GGACT: variants seen among roughly 807,000 people sequenced by gnomAD.
GGACT encodes gamma-glutamylaminecyclotransferase.
For missense variants in GGACT, 241 were observed against 233.2 expected, an observed-to-expected ratio of 1.03 and a Z score of -0.22; for synonymous variants, 118 against 115.3, an observed-to-expected ratio of 1.02 and a Z score of -0.15.
chr13:100,583,497 T>C (rs1461223113), intron 2 of GGACT, among the ~76,000 whole-genome samples: 1 of 152,136 alleles, frequency 6.6e-6, no homozygotes, highest in Non-Finnish European at 1.5e-5. Flanking sequence ...ATACACTTTC[T>C]CTACTATTCT....
intron 2 of GGACT, among the ~76,000 whole-genome samples, chr13:100,563,665 A>G (rs1347316740): frequency 1.3e-5 from 2 of 152,182 alleles, no homozygotes; most frequent in African/African-American, 4.8e-5. Flanking sequence ...TTAATTAATT[A>G]AACTAAACTT....
chr13:100,539,653 T>G, intron 2 of GGACT: 1 of 514,428 alleles, frequency 1.9e-6, no homozygotes, highest in Non-Finnish European at 3.4e-6. Context: ...AGAATATTAG[T>G]CTGTAGTTTT....
chr13:100,585,082 G>A (rs1336648952), intron 1 of GGACT, among the ~76,000 whole-genome samples: 3 of 152,298 alleles, frequency 2.0e-5, no homozygotes, highest in East Asian at 3.9e-4. Context: ...CTAGTTTACA[G>A]GAAATATAGG....
At chr13:100,546,098 C>T (rs1252728622) in intron 2 of GGACT, among the ~76,000 whole-genome samples, 14 of 152,278 alleles carry the variant, frequency 9.2e-5, no homozygotes, top group African/African-American at 2.9e-4. Flanking sequence ...CAGTGGCTCA[C>T]GCCTGTAATG....
rs2088600018 is a variant in GGACT at position 100,545,990 on chromosome 13, T to C, written c.-10-13389A>G. 6.6e-6 allele frequency among the ~76,000 whole-genome samples: 1 copy of C among 152,074 alleles called. No individual in the cohort carries two copies. The highest frequency in any genetic ancestry group is 6.5e-5 in the Admixed American group (1 of 15,282). ...TCCCCCTCTTTTCCTCCATCATCAGTAGGTGAAGGCAGACAGTGTTGATAG... is the reference window on the plus strand; with the variant it reads ...TCCCCCTCTTTTCCTCCATCATCAGCAGGTGAAGGCAGACAGTGTTGATAG... On this transcript the variant is annotated intron_variant, in intron 2 of 2. Transcript: ENST00000683975. The surrounding 1 kb of genome is among the most constrained non-coding windows in gnomAD (Gnocchi z 4.4).
intron 2 of GGACT, among the ~76,000 whole-genome samples, chr13:100,562,285 T>C (rs931180803): frequency 8.5e-5 from 13 of 152,162 alleles, no homozygotes; most frequent in Non-Finnish European, 1.6e-4. Context: ...AAGACTTGAT[T>C]TCCATTTTCA....
At chr13:100,577,069 C>T (rs1262432594) in intron 2 of GGACT, among the ~76,000 whole-genome samples, 3 of 152,146 alleles carry the variant, frequency 2.0e-5, no homozygotes, top group Non-Finnish European at 2.9e-5. Context: ...AAACCAAATA[C>T]AATAGATGGG....
rs1045133297 is a variant in GGACT, at chr13:100,531,403, C to CAGAT, written c.*723_*726dup. 2 of 152,210 alleles carry CAGAT rather than the reference C, an allele frequency of 1.3e-5. No homozygotes were observed. The highest frequency in any genetic ancestry group is 2.4e-5 in the African/African-American group (1 of 41,448). 9.4% of individuals were successfully genotyped at this position (152,210 alleles called of 1,614,324 possible). On this transcript the variant is annotated 3_prime_UTR_variant, in exon 3 of 3. Coordinates refer to ENST00000683975, the MANE Select transcript of GGACT (RefSeq NM_001195087.2). ...GGGTCTGGCTACTGAGATCTGGGCT[C>CAGAT]AGATAAACTTCCACTTGAAGTCCGG...
chr13:100,563,609 A>G (rs2088784572), intron 2 of GGACT, among the ~76,000 whole-genome samples: 1 of 152,192 alleles, frequency 6.6e-6, no homozygotes, highest in Non-Finnish European at 1.5e-5. Context: ...TGAGCCTAGG[A>G]GTTTGAGTCC....
chr13:100,588,315 C>T (rs1404830001), intron 1 of GGACT, among the ~76,000 whole-genome samples: 1 of 152,222 alleles, frequency 6.6e-6, no homozygotes, highest in African/African-American at 2.4e-5. Context: ...AGCTTCTAGT[C>T]TCCTTACAAA....
At chr13:100,567,018 C>G (rs1489981350) in intron 2 of GGACT, among the ~76,000 whole-genome samples, 1 of 152,180 alleles carries the variant, frequency 6.6e-6, no homozygotes, top group Non-Finnish European at 1.5e-5. Flanking sequence ...TTGGTTTTGT[C>G]TGATGCTGTC....
intron 2 of GGACT, among the ~76,000 whole-genome samples, chr13:100,573,166 A>G (rs1427315004): frequency 1.3e-5 from 2 of 152,168 alleles, no homozygotes; most frequent in Non-Finnish European, 2.9e-5. Flanking sequence ...TGACACCCAC[A>G]GTCCACTGGA....
At chr13:100,583,021 A>C (rs765142889) in intron 2 of GGACT, among the ~76,000 whole-genome samples, 4 of 152,250 alleles carry the variant, frequency 2.6e-5, no homozygotes, top group Non-Finnish European at 5.9e-5. Context: ...GTGTTATGGA[A>C]AGTAAAATAT....
chr13:100,578,241 C>T (rs1286091406), intron 2 of GGACT, among the ~76,000 whole-genome samples: 1 of 152,218 alleles, frequency 6.6e-6, no homozygotes, highest in African/African-American at 2.4e-5. Flanking sequence ...GAGCACCTCC[C>T]TGGACACAAG....
At chr13:100,547,540 T>C (rs1188050036) in intron 2 of GGACT, among the ~76,000 whole-genome samples, 1 of 152,214 alleles carries the variant, frequency 6.6e-6, no homozygotes. Context: ...TGGTCTGCGC[T>C]TACTGTCACT....
chr13:100,540,191 G>C, intron 2 of GGACT: 1 of 1,513,850 alleles, frequency 6.6e-7, no homozygotes, highest in East Asian at 2.2e-5. Flanking sequence ...CAGCGAATAG[G>C]CTGCACGTGG....
chr13:100,537,307 G>A (rs1224574646), intron 2 of GGACT: 2 of 152,320 alleles, frequency 1.3e-5, no homozygotes, highest in Non-Finnish European at 2.9e-5. Context: ...TTTTCTTCAG[G>A]TACAGGAGAC....
At position 100,573,727 on chromosome 13, in the gene GGACT, A is replaced by T. The variant is rs574232080; in HGVS notation, c.-11+10098T>A. On this transcript the variant is annotated intron_variant, in intron 2 of 2. Transcript: ENST00000683975. ...CAAAAAACAAATAAACCCATTAAAA[A>T]TGGGCAAAGGACATGAACAGACACT... Among the ~76,000 whole-genome samples, 175 of 152,280 alleles carry T rather than the reference A, an allele frequency of 1.1e-3. 1 individual carries two copies. The highest frequency in any genetic ancestry group is 4.0e-3 in the African/African-American group (166 of 41,570).
chr13:100,566,557 G>A (rs370888649), intron 2 of GGACT, among the ~76,000 whole-genome samples: 5 of 152,214 alleles, frequency 3.3e-5, no homozygotes, highest in Admixed American at 2.0e-4. Flanking sequence ...CTGGCCTTGC[G>A]GCTGCCGAGG....
Sources: allele counts gnomAD v4.1 joint callset (sites outside exome capture counted in the v4.1 genomes callset), GRCh38; gene constraint gnomAD v4.1.1; non-coding constraint Gnocchi (gnomAD v3.1); transcripts MANE v1.5; gene names NCBI Gene and HGNC (gene_info 2026-07-23, HGNC 2026-07-21).